DMRT1: variants seen among roughly 807,000 people sequenced by gnomAD.
DMRT1 encodes the protein doublesex and mab-3 related transcription factor 1.
DMRT1 carries 7 observed loss-of-function variants against 32.3 expected under a neutral mutation model. The ratio of observed to expected loss-of-function variants is 0.22; its 90% CI spans 0.12 to 0.41. The LOEUF is 0.41. Among genes scored for constraint, DMRT1 ranks in the 10% least tolerant of loss-of-function variants. DMRT1 has a pLI of 1.00. For synonymous variants in DMRT1, 278 were observed against 206.1 expected (o/e 1.35, Z -2.99); for missense variants, 625 against 500.5 (o/e 1.25, Z -2.37).
intron 3 of DMRT1, among the ~76,000 whole-genome samples, chr9:911,855 G>C (rs752376283): frequency 1.5e-4 from 23 of 152,088 alleles, no homozygotes; most frequent in Non-Finnish European, 2.2e-4. Context: ...ACATAGAACT[G>C]TCCTTTTCTT....
At chr9:901,606 C>T (rs1188025343) in intron 3 of DMRT1, among the ~76,000 whole-genome samples, 9 of 152,116 alleles carry the variant, frequency 5.9e-5, no homozygotes, top group South Asian at 2.1e-4. Context: ...GGATTATAGG[C>T]GGGAGCCACC....
chr9:936,312 G>A (rs1361419359), intron 4 of DMRT1, among the ~76,000 whole-genome samples: 1 of 152,072 alleles, frequency 6.6e-6, no homozygotes, highest in Non-Finnish European at 1.5e-5. Flanking sequence ...CAGTTTTATT[G>A]TAGTAGCTCT....
intron 2 of DMRT1, among the ~76,000 whole-genome samples, chr9:856,150 C>G (rs965059171): frequency 1.1e-4 from 16 of 152,060 alleles, no homozygotes; most frequent in African/African-American, 3.9e-4. Flanking sequence ...TTCCTGACCT[C>G]AAGTGATCCA....
intron 3 of DMRT1, among the ~76,000 whole-genome samples, chr9:905,037 G>A (rs989749830): frequency 6.6e-6 from 1 of 152,144 alleles, no homozygotes; most frequent in Non-Finnish European, 1.5e-5. Context: ...ATGAGCCCTT[G>A]CTGTGGCATG....
At chr9:913,531 A>G (rs751746201) in intron 3 of DMRT1, among the ~76,000 whole-genome samples, 44 of 152,296 alleles carry the variant, frequency 2.9e-4, no homozygotes, top group Non-Finnish European at 6.2e-4. Context: ...AAAATTAAAA[A>G]TTGCTATTTA....
At position 894,117 on chromosome 9, in the gene DMRT1, C is replaced by T. The variant is rs201572813; in HGVS notation, c.744C>T (p.Leu248=). 6.2e-6 allele frequency: 10 copies of T among 1,614,202 alleles called. No individual in the cohort carries two copies. The highest frequency in any genetic ancestry group is 1.7e-4 in the Middle Eastern group (1 of 6,058). Reference sequence around the variant, plus strand: ...CTTCTGGGGAGGTGGGAAATCCCCTCGGGGGATCCCCTGTGAAGAACAGCC... The same window carrying T: ...CTTCTGGGGAGGTGGGAAATCCCCTTGGGGGATCCCCTGTGAAGAACAGCC... ...DSASGEVGNP[L]GGSPVKNSLR... Residue 248 remains leucine, a synonymous_variant, in exon 3 of 5, where the codon CTC becomes CTT. Transcript: ENST00000382276.
intron 3 of DMRT1, among the ~76,000 whole-genome samples, chr9:897,648 T>C (rs995017070): frequency 6.6e-6 from 1 of 151,978 alleles, no homozygotes; most frequent in African/African-American, 2.4e-5. Flanking sequence ...CTCCCTATTA[T>C]GTCGTTGTTG....
intron 2 of DMRT1, 55 bp from the exon 3 acceptor site, chr9:893,856 GT>G: frequency 6.4e-7 from 1 of 1,556,314 alleles, no homozygotes; most frequent in Non-Finnish European, 8.8e-7. Context: ...TAGAAGTAAA[GT>G]TTCGTGGACT....
intron 2 of DMRT1, among the ~76,000 whole-genome samples, chr9:882,203 T>G (rs1177320354): frequency 6.6e-6 from 1 of 152,194 alleles, no homozygotes; most frequent in East Asian, 1.9e-4. Flanking sequence ...AGCATGCCAC[T>G]GTGCGTTACA....
chr9:894,015 C>T lies in DMRT1; in HGVS notation c.642C>T (p.Tyr214=). 1 of 1,614,272 alleles carries T rather than the reference C, an allele frequency of 6.2e-7. No homozygotes were observed. Among genetic ancestry groups the T allele is most frequent in the Non-Finnish European group, 8.5e-7 (1 of 1,180,046 alleles). The part of the protein sequence containing the change: ...VSDSTYYSSF[Y]QPSLFPYYNN... ...ACTCCACCTACTACAGCAGCTTCTA[C>T]CAGCCGTCTCTGTTTCCTTATTACA... The change falls in exon 3 of 5, where the codon TAC becomes TAT. Residue 214 remains tyrosine (Y), a synonymous_variant. Coordinates refer to ENST00000382276, the MANE Select transcript of DMRT1 (RefSeq NM_021951.3).
At chr9:913,308 A>G (rs551122818) in intron 3 of DMRT1, among the ~76,000 whole-genome samples, 2 of 152,160 alleles carry the variant, frequency 1.3e-5, no homozygotes, top group South Asian at 4.2e-4. Flanking sequence ...TCCATTATTT[A>G]TATTACGGCT....
intron 4 of DMRT1, among the ~76,000 whole-genome samples, chr9:921,303 T>C (rs1380963971): frequency 1.3e-5 from 2 of 152,248 alleles, no homozygotes; most frequent in Non-Finnish European, 1.5e-5. Context: ...AGCTACACTG[T>C]CGTATAGATC....
At chr9:911,159 G>T (rs1293270345) in intron 3 of DMRT1, among the ~76,000 whole-genome samples, 1 of 152,048 alleles carries the variant, frequency 6.6e-6, no homozygotes, top group African/African-American at 2.4e-5. Context: ...TGGGAATTGT[G>T]GGACACTACA....
At chr9:846,060 C>G (rs1334771229) in intron 1 of DMRT1, among the ~76,000 whole-genome samples, 2 of 133,950 alleles carry the variant, frequency 1.5e-5, no homozygotes, top group Non-Finnish European at 1.6e-5. Context: ...GAGACATAGT[C>G]TTGTTTTGTC....
intron 4 of DMRT1, among the ~76,000 whole-genome samples, chr9:930,468 G>C (rs1372824463): frequency 6.6e-6 from 1 of 151,864 alleles, no homozygotes; most frequent in African/African-American, 2.4e-5. Flanking sequence ...CTGGAGTGCA[G>C]TGGTGCGATC....
chr9:923,314 G>A (rs1818414690), intron 4 of DMRT1, among the ~76,000 whole-genome samples: 1 of 152,196 alleles, frequency 6.6e-6, no homozygotes, highest in South Asian at 2.1e-4. Context: ...GTGACATTCT[G>A]TGACAAGCGG....
chr9:877,103 A>G (rs940342846), intron 2 of DMRT1, among the ~76,000 whole-genome samples: 1 of 152,228 alleles, frequency 6.6e-6, no homozygotes, highest in Non-Finnish European at 1.5e-5. Flanking sequence ...CTGTGGTCAC[A>G]TTCTGTGAAA....
At chr9:886,494 G>A (rs1405269234) in intron 2 of DMRT1, among the ~76,000 whole-genome samples, 1 of 151,952 alleles carries the variant, frequency 6.6e-6, no homozygotes, top group Non-Finnish European at 1.5e-5. Flanking sequence ...GACCTCAAGT[G>A]ATCCACCCGC....
At chr9:886,487 C>G (rs1402001945) in intron 2 of DMRT1, among the ~76,000 whole-genome samples, 1 of 151,996 alleles carries the variant, frequency 6.6e-6, no homozygotes. Flanking sequence ...AACTCCTGAC[C>G]TCAAGTGATC....
Sources: gnomAD v4.1 joint callset for allele counts (sites outside exome capture counted in the v4.1 genomes callset) on GRCh38, gnomAD v4.1.1 for gene constraint, MANE v1.5 for transcripts, NCBI Gene and HGNC (gene_info 2026-07-23, HGNC 2026-07-21) for gene names.